Variants in ADAMTS20 observed in about 807,000 individuals in gnomAD.
ADAMTS20 encodes the protein ADAM metallopeptidase with thrombospondin type 1 motif 20, also known as A disintegrin and metalloproteinase with thrombospondin motifs 20.
Under a neutral mutation model 260.1 loss-of-function variants are expected in ADAMTS20, and 225 were observed. That is an observed-to-expected ratio of 0.87 (90% CI 0.78 to 0.97). The LOEUF (loss-of-function observed/expected upper bound fraction) is 0.97. Ranked by LOEUF, ADAMTS20 falls within the 50% of genes least tolerant of loss-of-function variation. The pLI is 0.00. For missense variants in ADAMTS20, 2,400 were observed against 2,337.7 expected, an observed-to-expected ratio of 1.03 and a Z score of -0.55; for synonymous variants, 802 against 769.5, an observed-to-expected ratio of 1.04 and a Z score of -0.70.
At chr12:43,390,036 T>G (rs1471430365) in intron 29 of ADAMTS20, among the ~76,000 whole-genome samples, 2 of 152,194 alleles carry the variant, frequency 1.3e-5, no homozygotes, top group African/African-American at 4.8e-5. Context: ...ATTGCTGTAC[T>G]TGGGACCACT....
At chr12:43,506,279 A>T (rs537789123) in intron 3 of ADAMTS20, among the ~76,000 whole-genome samples, 1 of 152,300 alleles carries the variant, frequency 6.6e-6, no homozygotes, top group East Asian at 1.9e-4. Flanking sequence ...GAGATACTTA[A>T]AATAGTAAAA....
chr12:43,428,451 G>A lies in ADAMTS20; in HGVS notation c.3735C>T (p.Tyr1245=). 1 of 1,613,920 alleles carries A rather than the reference G, an allele frequency of 6.2e-7. No individual in the cohort carries two copies. The highest frequency in any genetic ancestry group is 8.5e-7 in the Non-Finnish European group (1 of 1,179,876). The change falls in exon 26 of 39, where the codon TAC becomes TAT. Residue 1245 remains tyrosine, a synonymous_variant. Coordinates refer to ENST00000389420, the MANE Select transcript of ADAMTS20 (RefSeq NM_025003.5). The stretch of plus-strand genomic sequence containing the variant: ...TCAAAGGGCGAACTTCAGGATCACA[G>A]TAATTCTCATCAATTGGCTGATGGT... ...MNYHQPIDEN[Y]CDPEVRPLME...
intron 11 of ADAMTS20, among the ~76,000 whole-genome samples, chr12:43,456,316 T>C (rs1220454512): frequency 1.3e-5 from 2 of 152,190 alleles, no homozygotes; most frequent in Non-Finnish European, 2.9e-5. Flanking sequence ...ATTATTCTCA[T>C]TAACATACAA....
intron 29 of ADAMTS20, among the ~76,000 whole-genome samples, chr12:43,394,421 C>T (rs1007103713): frequency 6.6e-6 from 1 of 152,040 alleles, no homozygotes; most frequent in Non-Finnish European, 1.5e-5. Flanking sequence ...GAACATCATC[C>T]TTCTGTTAAT....
At chr12:43,472,593 C>T (rs1391329751) in intron 7 of ADAMTS20, among the ~76,000 whole-genome samples, 3 of 129,838 alleles carry the variant, frequency 2.3e-5, no homozygotes, top group Non-Finnish European at 4.9e-5. Context: ...AGAGAAAAGT[C>T]GGGTTACCCT....
chr12:43,420,290 C>G (rs774974520), intron 28 of ADAMTS20, among the ~76,000 whole-genome samples: 1 of 152,012 alleles, frequency 6.6e-6, no homozygotes, highest in East Asian at 1.9e-4. Flanking sequence ...TTTTAGTGAC[C>G]ATTACGATGT....
intron 28 of ADAMTS20, among the ~76,000 whole-genome samples, chr12:43,412,639 C>T (rs1437503193): frequency 6.6e-6 from 1 of 151,968 alleles, no homozygotes; most frequent in Non-Finnish European, 1.5e-5. Context: ...AGCCACTATC[C>T]GTGAGCCAGC....
intron 36 of ADAMTS20, among the ~76,000 whole-genome samples, chr12:43,374,300 C>T (rs1447519849): frequency 3.3e-5 from 5 of 151,912 alleles, no homozygotes; most frequent in African/African-American, 9.7e-5. Context: ...CATGCATATA[C>T]TGTCTTAATT....
At chr12:43,472,715 A>C (rs1370214870) in intron 7 of ADAMTS20, among the ~76,000 whole-genome samples, 1 of 149,502 alleles carries the variant, frequency 6.7e-6, no homozygotes, top group African/African-American at 2.5e-5. Flanking sequence ...TTCAAGCCAG[A>C]ATTTCATATC....
intron 37 of ADAMTS20, among the ~76,000 whole-genome samples, chr12:43,366,941 C>T (rs1356173534): frequency 6.6e-6 from 1 of 151,840 alleles, no homozygotes; most frequent in East Asian, 1.9e-4. Flanking sequence ...TGTGTGACAA[C>T]CAATTAGTCA....
chr12:43,468,767 T>C (rs374491976), intron 7 of ADAMTS20, 62 bp from the exon 8 acceptor site: 42 of 982,372 alleles, frequency 4.3e-5, no homozygotes, highest in East Asian at 2.0e-4. Flanking sequence ...CATAAAGAAC[T>C]TAATTTTGAA....
intron 37 of ADAMTS20, among the ~76,000 whole-genome samples, chr12:43,362,667 G>T (rs1051019705): frequency 6.6e-6 from 1 of 151,918 alleles, no homozygotes. Flanking sequence ...ACGGAAAAGG[G>T]AGAAACATTT....
intron 35 of ADAMTS20, 94 bp downstream of exon 35, chr12:43,375,963 T>G (rs1223877726): frequency 1.1e-6 from 1 of 894,134 alleles, no homozygotes; most frequent in Non-Finnish European, 1.7e-6. Context: ...TTGTCTCACA[T>G]GTAAGCTATT....
In ADAMTS20 at chr12:43,376,591, A is replaced by C; in HGVS notation, c.5058T>G (p.Gly1686=). 6.2e-7 allele frequency: 1 copy of C among 1,613,720 alleles called. No homozygotes were observed. The highest frequency in any genetic ancestry group is 1.3e-5 in the African/African-American group (1 of 75,036). ...GGTTTAAACATAAGTCACTGGACAA[A>C]CCATGTTTGGTAATGCATTTCACTT... The part of the protein sequence containing the change: ...KRQVKCITKH[G]LSSDLCLNHL... The change falls in exon 33 of 39, where the codon GGT becomes GGG. Residue 1686 remains glycine (G), a synonymous_variant. Transcript: ENST00000389420.
At chr12:43,521,842 G>T (rs1592108618) in intron 3 of ADAMTS20, among the ~76,000 whole-genome samples, 2 of 151,864 alleles carry the variant, frequency 1.3e-5, no homozygotes, top group Non-Finnish European at 1.5e-5. Context: ...ATAGTAAATG[G>T]GTTACTCTTT....
intron 29 of ADAMTS20, among the ~76,000 whole-genome samples, chr12:43,385,868 C>T (rs995679685): frequency 1.3e-5 from 2 of 152,096 alleles, no homozygotes; most frequent in African/African-American, 4.8e-5. Context: ...TGACTTCTTC[C>T]TGGTTTAGTC....
intron 3 of ADAMTS20, among the ~76,000 whole-genome samples, chr12:43,523,772 C>A (rs11182132): frequency 0.35 from 53,552 of 151,780 alleles, 10,030 homozygotes; most frequent in East Asian, 0.75. Context: ...CCCTTGACCC[C>A]CAGAGGGGTT....
At chr12:43,370,215 G>A (rs552700763) in intron 36 of ADAMTS20, among the ~76,000 whole-genome samples, 2 of 152,220 alleles carry the variant, frequency 1.3e-5, no homozygotes, top group South Asian at 2.1e-4. Context: ...ATCTCCAAAG[G>A]GCAGTTTCAA....
chr12:43,432,499 G>A (rs369937935), intron 20 of ADAMTS20, 31 bp from the exon 21 acceptor site: 50 of 1,590,232 alleles, frequency 3.1e-5, no homozygotes, highest in Non-Finnish European at 4.0e-5. Flanking sequence ...GGTAACTAAT[G>A]GAAAAAAATC....
Sources: allele counts gnomAD v4.1 joint callset (sites outside exome capture counted in the v4.1 genomes callset), GRCh38; gene constraint gnomAD v4.1.1; transcripts MANE v1.5; gene names NCBI Gene and HGNC (gene_info 2026-07-23, HGNC 2026-07-21).